The following PLCL2 variants were observed in gnomAD, a reference collection of about 807,000 sequenced individuals.
PLCL2 encodes phospholipase C like 2.
PLCL2 carries 4 observed loss-of-function variants against 79.6 expected under a neutral mutation model. That is an observed-to-expected ratio of 0.05 (90% confidence interval 0.02 to 0.11). The LOEUF (loss-of-function observed/expected upper bound fraction) is 0.11. Among genes scored for constraint, PLCL2 ranks in the 10% least tolerant of loss-of-function variants. PLCL2 has a pLI of 1.00. For missense variants in PLCL2, 895 were observed against 1,291.0 expected (o/e 0.69, Z 4.70); for synonymous variants, 484 against 457.7 (o/e 1.06, Z -0.73).
At chr3:17,040,795 C>T (rs1158137589) in intron 3 of PLCL2, among the ~76,000 whole-genome samples, 1 of 152,234 alleles carries the variant, frequency 6.6e-6, no homozygotes, top group East Asian at 1.9e-4. Flanking sequence ...TGCCGCTACA[C>T]CACTCCCAAG....
At chr3:17,085,745 G>A (rs565141616) in intron 5 of PLCL2, among the ~76,000 whole-genome samples, 11 of 149,570 alleles carry the variant, frequency 7.4e-5, no homozygotes, top group South Asian at 4.2e-4. Context: ...CACCATGCCC[G>A]GCCCAATTTA....
intron 1 of PLCL2, among the ~76,000 whole-genome samples, chr3:16,943,581 T>C (rs1272399994): frequency 1.3e-5 from 2 of 152,260 alleles, no homozygotes; most frequent in Admixed American, 6.5e-5. Context: ...AATTACCTAC[T>C]TTCTTATGGT....
At chr3:16,962,850 G>C (rs576615224) in intron 1 of PLCL2, among the ~76,000 whole-genome samples, 56 of 152,092 alleles carry the variant, frequency 3.7e-4, no homozygotes, top group Non-Finnish European at 6.6e-4. Context: ...CAAAGAATAC[G>C]TGTGTGTTTA....
chr3:17,060,234 G>T (rs2064936869), intron 4 of PLCL2, among the ~76,000 whole-genome samples: 1 of 152,194 alleles, frequency 6.6e-6, no homozygotes, highest in African/African-American at 2.4e-5. Context: ...GCTGGCAGAA[G>T]AAGAAAACCT....
At chr3:16,935,867 A>C (rs185310128) in intron 1 of PLCL2, among the ~76,000 whole-genome samples, 107 of 152,352 alleles carry the variant, frequency 7.0e-4, no homozygotes, top group African/African-American at 2.4e-3. Context: ...AGTGCATGAG[A>C]AAGTTCAGGA....
intron 1 of PLCL2, among the ~76,000 whole-genome samples, chr3:16,953,402 G>A (rs1047357547): frequency 2.6e-5 from 4 of 152,114 alleles, no homozygotes; most frequent in South Asian, 4.1e-4. Context: ...CTAAAAGGTA[G>A]AAGATTATAT....
intron 1 of PLCL2, among the ~76,000 whole-genome samples, chr3:16,998,451 A>G (rs1200437670): frequency 6.6e-6 from 1 of 152,242 alleles, no homozygotes; most frequent in African/African-American, 2.4e-5. Context: ...ATGAAACTAC[A>G]TATCCACAGT....
At chr3:17,036,542 T>C (rs2064657617) in intron 3 of PLCL2, among the ~76,000 whole-genome samples, 1 of 152,186 alleles carries the variant, frequency 6.6e-6, no homozygotes, top group African/African-American at 2.4e-5. Flanking sequence ...GAGATTATAT[T>C]GTTAACTCAG....
At chr3:16,935,238 C>G (rs777801418) in intron 1 of PLCL2, among the ~76,000 whole-genome samples, 1 of 152,112 alleles carries the variant, frequency 6.6e-6, no homozygotes, top group Non-Finnish European at 1.5e-5. Flanking sequence ...CTTATTTTCC[C>G]CCTGAGGTGT....
At position 16,952,360 on chromosome 3, in the gene PLCL2, C is replaced by CAAAAAAAAAAAAAAAAAAAAAAAAA. The variant is rs35421244; in HGVS notation, c.328-57307_328-57283dup. Among the ~76,000 whole-genome samples the CAAAAAAAAAAAAAAAAAAAAAAAAA allele has an allele frequency of 1.8e-4, 4 of 22,616 alleles. 1 individual carries two copies. The highest frequency in any genetic ancestry group is 3.6e-4 in the African/African-American group (2 of 5,508). The allele number at this position is 22,616 out of a possible 152,430, so 14.8% of individuals were successfully genotyped here. Reference sequence around the variant, plus strand: ...TGCACATGTATCCCAGAACTTAAAGCAAAAAAAAAAAAAAAAAAAAAAAAA... The same window carrying CAAAAAAAAAAAAAAAAAAAAAAAAA: ...TGCACATGTATCCCAGAACTTAAAGCAAAAAAAAAAAAAAAAAAAAAAAAAAAAAAAAAAAAAAAAAAAAAAAAAA... On this transcript the variant is annotated intron_variant, in intron 1 of 5. Transcript: ENST00000615277.
chr3:16,902,569 GT>G (rs981192359), intron 1 of PLCL2, among the ~76,000 whole-genome samples: 2 of 152,142 alleles, frequency 1.3e-5, no homozygotes, highest in Non-Finnish European at 2.9e-5. Flanking sequence ...GCTCATGCCT[GT>G]AATCCCAGCA....
chr3:17,090,017 T>G lies in PLCL2; in HGVS notation c.*105T>G. The G allele has an allele frequency of 1.4e-6, 2 of 1,430,820 alleles. No individual in the cohort carries two copies. Among genetic ancestry groups the G allele is most frequent in the Non-Finnish European group, 1.8e-6 (2 of 1,087,732 alleles). The allele number at this position is 1,430,820 out of a possible 1,614,324, so 88.6% of individuals were successfully genotyped here. On this transcript the variant is annotated 3_prime_UTR_variant, in exon 6 of 6. Transcript: ENST00000615277. Reference sequence around the variant, plus strand: ...CTAATGAGAATAATATTCGGGATTTTAAAGCACAACTGGAATAGCTAATTA... The same window carrying G: ...CTAATGAGAATAATATTCGGGATTTGAAAGCACAACTGGAATAGCTAATTA...
chr3:16,966,627 C>T (rs139796028), intron 1 of PLCL2, among the ~76,000 whole-genome samples: 117 of 151,970 alleles, frequency 7.7e-4, no homozygotes, highest in Non-Finnish European at 1.4e-3. Flanking sequence ...AGAATTCGGC[C>T]GTGAATCCTT....
chr3:17,018,711 G>A (rs13083189), intron 3 of PLCL2, among the ~76,000 whole-genome samples: 26,464 of 152,124 alleles, frequency 0.17, 2,880 homozygotes, highest in Non-Finnish European at 0.23. Context: ...AAGATGTCAC[G>A]TTTGGTTGTT....
At chr3:16,899,530 C>CG (rs1302418808) in intron 1 of PLCL2, among the ~76,000 whole-genome samples, 1 of 152,100 alleles carries the variant, frequency 6.6e-6, no homozygotes, top group Non-Finnish European at 1.5e-5. Context: ...AGTTCTGATT[C>CG]GGGTCTGCAC....
chr3:16,954,656 G>T (rs1234390803), intron 1 of PLCL2, among the ~76,000 whole-genome samples: 4 of 152,082 alleles, frequency 2.6e-5, no homozygotes, highest in African/African-American at 7.2e-5. Flanking sequence ...GTGTAAAAGT[G>T]TTCCTATTTC....
At chr3:17,029,399 A>G (rs2064557307) in intron 3 of PLCL2, among the ~76,000 whole-genome samples, 1 of 151,958 alleles carries the variant, frequency 6.6e-6, no homozygotes, top group South Asian at 2.1e-4. Flanking sequence ...AGCTTAGTGC[A>G]GAAGAGAGGA....
At chr3:17,042,607 A>T in intron 3 of PLCL2, 3 of 293,836 alleles carry the variant, frequency 1.0e-5, no homozygotes, top group Middle Eastern at 1.0e-3. Flanking sequence ...TCAGTTCAGT[A>T]TATTAGCTCA....
chr3:16,949,537 A>G (rs2063631728), intron 1 of PLCL2, among the ~76,000 whole-genome samples: 1 of 152,156 alleles, frequency 6.6e-6, no homozygotes, highest in African/African-American at 2.4e-5. Context: ...TCTGTCTCAT[A>G]GGAATTGTAA....
Sources: gnomAD v4.1 joint callset for allele counts (sites outside exome capture counted in the v4.1 genomes callset) on GRCh38, gnomAD v4.1.1 for gene constraint, MANE v1.5 for transcripts, NCBI Gene and HGNC (gene_info 2026-07-23, HGNC 2026-07-21) for gene names.